TAS2R1: variants seen among roughly 807,000 people sequenced by gnomAD.
TAS2R1 encodes taste receptor type 2 member 1.
For synonymous variants in TAS2R1, 141 were observed against 134.2 expected (o/e 1.05, Z -0.35); for missense variants, 370 against 353.4 (o/e 1.05, Z -0.38).
chr5:9,773,702 G>C, the TAS2R1 span, among the ~76,000 whole-genome samples: 1 of 152,034 alleles, frequency 6.6e-6, no homozygotes, highest in East Asian at 1.9e-4. Flanking sequence ...ATTATTCTAG[G>C]ATATAAGATT....
the TAS2R1 span, among the ~76,000 whole-genome samples, chr5:9,815,406 G>C: frequency 6.6e-6 from 1 of 152,184 alleles, no homozygotes. Flanking sequence ...AAGTCAATGT[G>C]TGTTTATATT....
the TAS2R1 span, among the ~76,000 whole-genome samples, chr5:9,746,847 T>C: frequency 2.0e-5 from 3 of 152,146 alleles, no homozygotes; most frequent in East Asian, 1.9e-4. Flanking sequence ...GATGGGTTGA[T>C]AGGTGCAGCA....
chr5:9,761,542 T>C, the TAS2R1 span, among the ~76,000 whole-genome samples: 1 of 152,226 alleles, frequency 6.6e-6, no homozygotes, highest in Non-Finnish European at 1.5e-5. Context: ...AGAAATTGCA[T>C]TAGTCTTTTG....
chr5:9,726,653 C>T, the TAS2R1 span, among the ~76,000 whole-genome samples: 1 of 152,188 alleles, frequency 6.6e-6, no homozygotes, highest in South Asian at 2.1e-4. Flanking sequence ...AAGGAACAAA[C>T]TCCAGACGCG....
chr5:9,758,525 T>C, the TAS2R1 span, among the ~76,000 whole-genome samples: 3 of 152,202 alleles, frequency 2.0e-5, no homozygotes, highest in South Asian at 6.2e-4. Flanking sequence ...CAAAGAACTG[T>C]GTCTCTCACC....
the TAS2R1 span, among the ~76,000 whole-genome samples, chr5:9,853,086 C>A: frequency 6.6e-6 from 1 of 152,292 alleles, no homozygotes; most frequent in East Asian, 1.9e-4. Flanking sequence ...TCTCCCAGTC[C>A]ATGTAACCTT....
At chr5:9,853,425 A>G in the TAS2R1 span, among the ~76,000 whole-genome samples, 1 of 152,310 alleles carries the variant, frequency 6.6e-6, no homozygotes, top group African/African-American at 2.4e-5. Flanking sequence ...TGGAAAAGGA[A>G]TGGTAACTTT....
chr5:9,814,494 T>G, the TAS2R1 span, among the ~76,000 whole-genome samples: 5 of 152,186 alleles, frequency 3.3e-5, no homozygotes, highest in Non-Finnish European at 5.9e-5. Context: ...CATCCAGATA[T>G]TCCATGAAAG....
intron 1 of TAS2R1, among the ~76,000 whole-genome samples, chr5:9,699,786 A>G (rs1280123738): frequency 6.6e-6 from 1 of 152,112 alleles, no homozygotes; most frequent in East Asian, 1.9e-4. Flanking sequence ...GCTGCTGCTG[A>G]TTCTTAACTA....
chr5:9,718,310 T>C, the TAS2R1 span, among the ~76,000 whole-genome samples: 2 of 152,042 alleles, frequency 1.3e-5, no homozygotes, highest in Non-Finnish European at 2.9e-5. Flanking sequence ...AAGAAAAATT[T>C]GCAACATACA....
the TAS2R1 span, among the ~76,000 whole-genome samples, chr5:9,892,921 T>C: frequency 2.0e-5 from 3 of 152,178 alleles, no homozygotes; most frequent in Non-Finnish European, 4.4e-5. Flanking sequence ...GCCCTTGTGG[T>C]CACTCTCAGG....
the TAS2R1 span, among the ~76,000 whole-genome samples, chr5:9,875,200 G>T: frequency 6.6e-6 from 1 of 152,188 alleles, no homozygotes; most frequent in Admixed American, 6.5e-5. Context: ...TGGGAACCAG[G>T]CAGGGAAAAT....
chr5:9,695,547 C>T (rs1227513441), intron 1 of TAS2R1, among the ~76,000 whole-genome samples: 1 of 151,962 alleles, frequency 6.6e-6, no homozygotes, highest in African/African-American at 2.4e-5. Flanking sequence ...TGAAGATGGA[C>T]AAACCTTTCT....
the TAS2R1 span, among the ~76,000 whole-genome samples, chr5:9,894,405 A>AAAAACAAAAACAAAAACAAAAAC: frequency 6.6e-6 from 1 of 151,004 alleles, no homozygotes; most frequent in African/African-American, 2.4e-5. Flanking sequence ...AAACAAAAAC[A>AAAAACAAAAACAAAAACAAAAAC]AAAAAAAACA....
the TAS2R1 span, among the ~76,000 whole-genome samples, chr5:9,723,700 G>A: frequency 8.5e-5 from 13 of 152,342 alleles, no homozygotes; most frequent in Admixed American, 3.3e-4. Flanking sequence ...CCATGCCCTC[G>A]CAGGCTCTCA....
chr5:9,792,673 G>C, the TAS2R1 span, among the ~76,000 whole-genome samples: 1 of 152,118 alleles, frequency 6.6e-6, no homozygotes, highest in South Asian at 2.1e-4. Context: ...ACTCCTGCTT[G>C]ACGACTTAGG....
chr5:9,667,763 C>T (rs1418635545), intron 1 of TAS2R1, among the ~76,000 whole-genome samples: 1 of 151,864 alleles, frequency 6.6e-6, no homozygotes, highest in Non-Finnish European at 1.5e-5. Flanking sequence ...AAAATAAAAA[C>T]AAAGAAACTC....
chr5:9,657,031 T>C (rs1740429174), intron 2 of TAS2R1, among the ~76,000 whole-genome samples: 1 of 152,086 alleles, frequency 6.6e-6, no homozygotes, highest in South Asian at 2.1e-4. Flanking sequence ...TCACAATATG[T>C]TAAATTTAAA....
At chr5:9,853,530 C>T in the TAS2R1 span, among the ~76,000 whole-genome samples, 1 of 152,300 alleles carries the variant, frequency 6.6e-6, no homozygotes, top group East Asian at 1.9e-4. Context: ...GGTAAACTGT[C>T]ATGGTGCTGG....
Sources: allele counts gnomAD v4.1 joint callset (sites outside exome capture counted in the v4.1 genomes callset), GRCh38; gene constraint gnomAD v4.1.1; transcripts MANE v1.5; gene names NCBI Gene and HGNC (gene_info 2026-07-23, HGNC 2026-07-21).